Variants in KCND2 observed in about 807,000 individuals in gnomAD.
KCND2 encodes the protein potassium voltage-gated channel subfamily D member 2, also known as A-type voltage-gated potassium channel KCND2.
In KCND2, 16 loss-of-function variants were observed where a neutral mutation model predicts 54.4. The ratio of observed to expected loss-of-function variants is 0.29; its 90% CI spans 0.20 to 0.45. The LOEUF is 0.45. KCND2 is among the 20% of genes least tolerant of loss of function. KCND2 has a pLI of 1.00. For synonymous variants in KCND2, 317 were observed against 310.7 expected, an observed-to-expected ratio of 1.02 and a Z score of -0.21; for missense variants, 486 against 824.2, an observed-to-expected ratio of 0.59 and a Z score of 5.02.
At chr7:120,414,509 T>A (rs1801498515) in intron 1 of KCND2, among the ~76,000 whole-genome samples, 1 of 152,196 alleles carries the variant, frequency 6.6e-6, no homozygotes, top group South Asian at 2.1e-4. Flanking sequence ...AATGGTCTTA[T>A]GATAGAGTAA....
intron 1 of KCND2, among the ~76,000 whole-genome samples, chr7:120,664,087 C>T (rs1294722402): frequency 1.3e-5 from 2 of 152,208 alleles, no homozygotes; most frequent in African/African-American, 2.4e-5. Flanking sequence ...CATGTTTATG[C>T]GTGCGCGTGT....
intron 1 of KCND2, among the ~76,000 whole-genome samples, chr7:120,661,560 G>T (rs544080007): frequency 6.6e-6 from 1 of 151,864 alleles, no homozygotes; most frequent in Non-Finnish European, 1.5e-5. Context: ...TGAGGCACAA[G>T]AATCACTTGA....
chr7:120,373,709 A>G (rs1800798090), intron 1 of KCND2, among the ~76,000 whole-genome samples: 1 of 151,862 alleles, frequency 6.6e-6, no homozygotes, highest in Admixed American at 6.6e-5. Flanking sequence ...CATAGACAAA[A>G]TTAAAATGTT....
intron 1 of KCND2, among the ~76,000 whole-genome samples, chr7:120,352,769 C>A (rs924430093): frequency 6.6e-6 from 1 of 151,894 alleles, no homozygotes; most frequent in African/African-American, 2.4e-5. Flanking sequence ...AGAAATATGA[C>A]TGAAAAATGC....
chr7:120,284,299 A>G (rs780616759), intron 1 of KCND2, among the ~76,000 whole-genome samples: 4 of 151,958 alleles, frequency 2.6e-5, no homozygotes, highest in Non-Finnish European at 4.4e-5. Flanking sequence ...GCACACGCAC[A>G]CACACACACG....
At chr7:120,736,790 A>G (rs1051995780) in intron 2 of KCND2, among the ~76,000 whole-genome samples, 2 of 151,846 alleles carry the variant, frequency 1.3e-5, no homozygotes, top group Non-Finnish European at 2.9e-5. Flanking sequence ...ATGCTCACAA[A>G]CCTAGTGATT....
chr7:120,508,750 A>C (rs570123936), intron 1 of KCND2, among the ~76,000 whole-genome samples: 1 of 152,144 alleles, frequency 6.6e-6, no homozygotes, highest in Admixed American at 6.6e-5. Context: ...TATGGATTAT[A>C]GAAAGCCTAT....
chr7:120,398,198 A>G (rs1250455693), intron 1 of KCND2, among the ~76,000 whole-genome samples: 1 of 151,266 alleles, frequency 6.6e-6, no homozygotes, highest in African/African-American at 2.4e-5. Context: ...TATATTTAAC[A>G]GTAAGATGAC....
intron 1 of KCND2, among the ~76,000 whole-genome samples, chr7:120,583,860 G>C (rs1792553305): frequency 6.6e-6 from 1 of 151,634 alleles, no homozygotes; most frequent in African/African-American, 2.4e-5. Flanking sequence ...TATAGAAAGA[G>C]AAGAGAGACA....
At chr7:120,415,028 C>G (rs947005980) in intron 1 of KCND2, among the ~76,000 whole-genome samples, 1 of 152,182 alleles carries the variant, frequency 6.6e-6, no homozygotes, top group Non-Finnish European at 1.5e-5. Flanking sequence ...AGTCAACTAT[C>G]TGTGTTTTCT....
At chr7:120,625,415 A>C (rs921425680) in intron 1 of KCND2, among the ~76,000 whole-genome samples, 29 of 152,216 alleles carry the variant, frequency 1.9e-4, no homozygotes, top group African/African-American at 6.3e-4. Context: ...TTTAATTCAA[A>C]TGCAAAATAA....
intron 1 of KCND2, among the ~76,000 whole-genome samples, chr7:120,595,509 GTA>G (rs1196192598): frequency 2.8e-5 from 4 of 142,320 alleles, no homozygotes; most frequent in African/African-American, 1.0e-4. Context: ...GTGTGTGTGT[GTA>G]TATATATGTA....
chr7:120,515,116 C>G (rs1033796046), intron 1 of KCND2, among the ~76,000 whole-genome samples: 2 of 152,044 alleles, frequency 1.3e-5, no homozygotes, highest in African/African-American at 2.4e-5. Flanking sequence ...ATAAATTGCT[C>G]TCACTCTTCC....
chr7:120,686,427 A>G (rs1470385642), intron 1 of KCND2, among the ~76,000 whole-genome samples: 1 of 152,218 alleles, frequency 6.6e-6, no homozygotes, highest in Admixed American at 6.5e-5. Flanking sequence ...TCCTACTGTT[A>G]GCAGCAGCAA....
chr7:120,498,124 T>C (rs1802876398), intron 1 of KCND2, among the ~76,000 whole-genome samples: 1 of 152,190 alleles, frequency 6.6e-6, no homozygotes, highest in South Asian at 2.1e-4. Context: ...AGGGATACTA[T>C]ACCTTACAAC....
intron 1 of KCND2, among the ~76,000 whole-genome samples, chr7:120,484,301 G>T (rs1355804453): frequency 6.6e-6 from 1 of 152,028 alleles, no homozygotes; most frequent in Non-Finnish European, 1.5e-5. Flanking sequence ...GACTACAGGT[G>T]CATGACACTG....
chr7:120,374,616 G>A (rs184812915), intron 1 of KCND2, among the ~76,000 whole-genome samples: 23 of 151,786 alleles, frequency 1.5e-4, no homozygotes, highest in African/African-American at 4.3e-4. Flanking sequence ...TTGCTTTAAC[G>A]ATTTCCCGTT....
chr7:120,514,013 G>T lies in KCND2; in HGVS notation c.1116-218890G>T, dbSNP rs190956005. Among the ~76,000 whole-genome samples the T allele has an allele frequency of 2.1e-4, 32 of 152,160 alleles. No individual in the cohort carries two copies. In the East Asian group the frequency reaches 5.4e-3, roughly 26 times the overall value. On this transcript the variant is annotated intron_variant, in intron 1 of 5. Coordinates refer to ENST00000331113, the MANE Select transcript of KCND2 (RefSeq NM_012281.3). ...TAAGTGTGAATTCATTAATAATAAT[G>T]TCCTAAACTTTGCCCTTAGATGCTC...
At chr7:120,663,866 CATT>C (rs1393838832) in intron 1 of KCND2, among the ~76,000 whole-genome samples, 1 of 152,072 alleles carries the variant, frequency 6.6e-6, no homozygotes, top group African/African-American at 2.4e-5. Flanking sequence ...GTTTCCTCAC[CATT>C]ATTATATGCC....
Sources: allele counts gnomAD v4.1 joint callset (sites outside exome capture counted in the v4.1 genomes callset), GRCh38; gene constraint gnomAD v4.1.1; transcripts MANE v1.5; gene names NCBI Gene and HGNC (gene_info 2026-07-23, HGNC 2026-07-21).